XAGE3: variants seen among roughly 807,000 people sequenced by gnomAD.
The protein encoded by XAGE3 is X antigen family member 3, also known as CT12.3.
Under a neutral mutation model 9.2 loss-of-function variants are expected in XAGE3, and 6 were observed. That is an observed-to-expected ratio of 0.65 (90% CI 0.36 to 1.29). The LOEUF (loss-of-function observed/expected upper bound fraction) is 1.29, where lower values mean the gene tolerates loss of function less well. XAGE3 is among the 50% of genes most tolerant of loss of function. The pLI is 0.03. For synonymous variants in XAGE3, 26 were observed against 28.2 expected, an observed-to-expected ratio of 0.92 and a Z score of 0.25; for missense variants, 70 against 82.8, an observed-to-expected ratio of 0.85 and a Z score of 0.60.
At chrX:52,867,287 G>T in intron 1 of XAGE3, 146 bp from the exon 2 acceptor site, 1 of 488,757 alleles carries the variant, frequency 2.0e-6, no homozygotes, top group Non-Finnish European at 3.4e-6. Flanking sequence ...AAGTATGTGT[G>T]CCTTCTGAAT....
rs979430402 is a variant in XAGE3, at chrX:52,862,717, A to G, written c.314-77T>C. 9.4e-6 allele frequency: 11 copies of G among 1,170,487 alleles called. No individual in the cohort carries two copies. The African/African-American group carries it at 1.6e-4, about 17-fold the overall frequency. ...ATGACATTAAAGGTAGGCAAAGGAC[A>G]CCAAAGTTTTGGTTTTATACCGTGG... is the stretch of plus-strand genomic sequence containing the variant. On this transcript the variant is annotated intron_variant, in intron 4 of 4. Coordinates refer to ENST00000346279, the MANE Select transcript of XAGE3 (RefSeq NM_133179.3).
At chrX:52,865,264 A>C (rs1303529728) in intron 3 of XAGE3, among the ~76,000 whole-genome samples, 1 of 111,976 alleles carries the variant, frequency 8.9e-6, no homozygotes, top group Non-Finnish European at 1.9e-5. Flanking sequence ...CAAATCTTAC[A>C]GTCCTGACAC....
At chrX:52,863,892 CA>C (rs1280137161) in intron 4 of XAGE3, among the ~76,000 whole-genome samples, 1 of 111,593 alleles carries the variant, frequency 9.0e-6, no homozygotes, top group Non-Finnish European at 1.9e-5. Context: ...TTATAATTTT[CA>C]TTAATATTTT....
intron 3 of XAGE3, among the ~76,000 whole-genome samples, chrX:52,865,753 T>C (rs1329717764): frequency 3.6e-5 from 4 of 112,136 alleles, no homozygotes. Context: ...TGTCATTCAT[T>C]GAGCTCTTTT....
intron 1 of XAGE3, 119 bp from the exon 2 acceptor site, chrX:52,867,260 A>G: frequency 1.6e-6 from 1 of 634,133 alleles, no homozygotes; most frequent in Non-Finnish European, 2.4e-6. Flanking sequence ...TTTCGAACTA[A>G]GTCTCAGGGC....
intron 3 of XAGE3, 91 bp from the exon 4 acceptor site, chrX:52,864,991 A>G: frequency 9.3e-7 from 1 of 1,080,746 alleles, no homozygotes; most frequent in Non-Finnish European, 1.3e-6. Context: ...GTTATGAAAT[A>G]AAAGGCTGCA....
Position 52,867,083 on chromosome X carries a change from T to C in XAGE3, c.51A>G (p.Val17=), listed in dbSNP as rs782196615. 4 of 1,212,062 alleles carry C rather than the reference T, an allele frequency of 3.3e-6. No individual in the cohort carries two copies. Among genetic ancestry groups the C allele is most frequent in the Non-Finnish European group, 4.5e-6 (4 of 895,387 alleles). ...STYRPRPRRS[V]PPPELIGPML... ...TAGGCCCAATCAGCTCAGGAGGTGG[T>C]ACACTTCTCCTCGGCCTAGGCCTAT... The change falls in exon 2 of 5, where the codon GTA becomes GTG. Residue 17 remains valine (V), a synonymous_variant. Transcript: ENST00000346279.
intron 3 of XAGE3, 102 bp from the exon 4 acceptor site, chrX:52,865,002 G>C (rs1556784269): frequency 9.9e-7 from 1 of 1,005,224 alleles, no homozygotes. Flanking sequence ...AAAGGCTGCA[G>C]GCGACTGTGG....
At chrX:52,865,048 T>A in intron 3 of XAGE3, 148 bp from the exon 4 acceptor site, 1 of 686,439 alleles carries the variant, frequency 1.5e-6, no homozygotes, top group Non-Finnish European at 2.1e-6. Flanking sequence ...CACCTTTGTT[T>A]TCCTGTACTA....
chrX:52,866,423 T>C lies in XAGE3; in HGVS notation c.187+10A>G, dbSNP rs781932291. On this transcript the variant is annotated intron_variant, in intron 3 of 4. Coordinates refer to ENST00000346279, the MANE Select transcript of XAGE3 (RefSeq NM_133179.3). The stretch of plus-strand genomic sequence containing the variant: ...TCCCCATAGACATTCTTTCTTTCCC[T>C]TCCCAGCACCTTGAGTCTCAGCTGC... The C allele has an allele frequency of 8.3e-7, 1 of 1,208,213 alleles. No individual in the cohort carries two copies. Among genetic ancestry groups the C allele is most frequent in the East Asian group, 3.0e-5 (1 of 33,752 alleles).
chrX:52,864,291 A>T (rs1556784130), intron 4 of XAGE3, among the ~76,000 whole-genome samples: 1 of 112,494 alleles, frequency 8.9e-6, no homozygotes, highest in Admixed American at 9.4e-5. Flanking sequence ...CCAACAGAAC[A>T]TGAGGATACA....
rs189129441 is a variant in XAGE3 at position 52,862,778 on chromosome X, A to G, written c.314-138T>C. 1.7e-5 allele frequency: 13 copies of G among 771,795 alleles called. No individual in the cohort carries two copies. The African/African-American group carries it at 2.9e-4, about 17-fold the overall frequency. The allele number at this position is 771,795 out of a possible 1,213,427, so 63.6% of individuals were successfully genotyped here. On this transcript the variant is annotated intron_variant, in intron 4 of 4. Coordinates refer to ENST00000346279, the MANE Select transcript of XAGE3 (RefSeq NM_133179.3). ...AAGCCTAAGAGTAACCTGATGGCTA[A>G]CATTCAGTTAGACCTCTGTAGAGAC...
rs139609852 is a variant in XAGE3 at position 52,862,738 on chromosome X, C to T, written c.314-98G>A. On this transcript the variant is annotated intron_variant, in intron 4 of 4. Coordinates refer to ENST00000346279, the MANE Select transcript of XAGE3 (RefSeq NM_133179.3). ...GGACACCAAAGTTTTGGTTTTATAC[C>T]GTGGATTAAACCAGAAGCCTAAGAG... is the stretch of plus-strand genomic sequence containing the variant. 6.5e-4 allele frequency: 689 copies of T among 1,066,186 alleles called. No homozygotes were observed. In the African/African-American group the frequency reaches 0.011, roughly 17 times the overall value. 87.9% of individuals were successfully genotyped at this position (1,066,186 alleles called of 1,213,427 possible).
At chrX:52,864,265 T>C (rs1358027346) in intron 4 of XAGE3, among the ~76,000 whole-genome samples, 12 of 112,486 alleles carry the variant, frequency 1.1e-4, no homozygotes, top group Non-Finnish European at 2.3e-4. Flanking sequence ...AAACAAATCA[T>C]ATCTTTGTAT....
intron 2 of XAGE3, 63 bp from the exon 3 acceptor site, chrX:52,866,601 C>A (rs1556784501): frequency 2.2e-6 from 2 of 914,134 alleles, no homozygotes; most frequent in African/African-American, 4.0e-5. Flanking sequence ...GTTATCGATA[C>A]ATTTCAATAA....
At chrX:52,863,682 G>A (rs1927815372) in intron 4 of XAGE3, among the ~76,000 whole-genome samples, 1 of 111,793 alleles carries the variant, frequency 8.9e-6, no homozygotes, top group Admixed American at 9.5e-5. Flanking sequence ...GTATCTGTTA[G>A]GGTCTTGTTC....
intron 4 of XAGE3, among the ~76,000 whole-genome samples, chrX:52,863,437 A>G (rs782806319): frequency 9.7e-4 from 109 of 112,333 alleles, no homozygotes; most frequent in Non-Finnish European, 1.4e-3. Context: ...AAAATAGAAA[A>G]GGACAGTAAG....
chrX:52,864,689 A>G, intron 4 of XAGE3, 86 bp downstream of exon 4: 1 of 1,147,507 alleles, frequency 8.7e-7, no homozygotes, highest in Non-Finnish European at 1.2e-6. Flanking sequence ...TTGAACTCTG[A>G]TTTTAAAGGG....
At position 52,864,659 on chromosome X, in the gene XAGE3, C is replaced by T; in HGVS notation, c.313+116G>A. 15 of 1,013,474 alleles carry T rather than the reference C, an allele frequency of 1.5e-5. No homozygotes were observed. In the South Asian group the frequency reaches 3.2e-4, roughly 21 times the overall value. The allele number at this position is 1,013,474 out of a possible 1,213,427, so 83.5% of individuals were successfully genotyped here. ...GTCAGGCAATTGGGGTCTGAACAAC[C>T]TTTCAAAAAAAGTCTGCATTTGAAC... On this transcript the variant is annotated intron_variant, in intron 4 of 4. Transcript: ENST00000346279.
Sources: gnomAD v4.1 joint callset for allele counts (sites outside exome capture counted in the v4.1 genomes callset) on GRCh38, gnomAD v4.1.1 for gene constraint, MANE v1.5 for transcripts, NCBI Gene and HGNC (gene_info 2026-07-23, HGNC 2026-07-21) for gene names.